Variants in VWA8 observed in about 807,000 individuals in gnomAD.
VWA8 encodes von Willebrand factor A domain containing 8, also known as von Willebrand factor A domain-containing protein 8.
A neutral mutation model predicts 241.5 loss-of-function variants in VWA8; 221 were observed. The ratio of observed to expected loss-of-function variants is 0.91; its 90% confidence interval spans 0.82 to 1.02. VWA8 has a LOEUF of 1.02. Ranked by LOEUF, VWA8 falls within the 50% of genes least tolerant of loss-of-function variation. The pLI, the probability that VWA8 is intolerant of heterozygous loss-of-function variation, is 0.00. For missense variants in VWA8, 2,322 were observed against 2,328.7 expected (o/e 1.00, Z 0.06); for synonymous variants, 852 against 827.1 (o/e 1.03, Z -0.52).
At chr13:41,873,952 C>T (rs1173486854) in intron 9 of VWA8, among the ~76,000 whole-genome samples, 3 of 152,244 alleles carry the variant, frequency 2.0e-5, no homozygotes, top group Middle Eastern at 3.4e-3. Context: ...ACTGGCAAAC[C>T]AAATCCAGCA....
At chr13:41,842,853 T>C (rs559337921) in intron 12 of VWA8, among the ~76,000 whole-genome samples, 1 of 152,164 alleles carries the variant, frequency 6.6e-6, no homozygotes, top group African/African-American at 2.4e-5. Context: ...AGCATTCTCA[T>C]GTACAAGAGA....
chr13:41,576,520 T>A (rs1230240760), intron 42 of VWA8, among the ~76,000 whole-genome samples: 4 of 152,170 alleles, frequency 2.6e-5, no homozygotes, highest in African/African-American at 9.7e-5. Context: ...TTGGTTGAAA[T>A]TGTTATGCAA....
At chr13:41,684,332 C>G (rs1353549438) in intron 35 of VWA8, among the ~76,000 whole-genome samples, 2 of 151,580 alleles carry the variant, frequency 1.3e-5, no homozygotes, top group Non-Finnish European at 2.9e-5. Context: ...TAATATATCA[C>G]TACCACTGTG....
At chr13:41,865,199 A>G in intron 12 of VWA8, 3 of 244,544 alleles carry the variant, frequency 1.2e-5, no homozygotes, top group Non-Finnish European at 2.5e-5. Flanking sequence ...GACACATAAT[A>G]TATGTACATA....
At chr13:41,791,954 CT>C (rs1869481169) in intron 17 of VWA8, among the ~76,000 whole-genome samples, 9 of 151,550 alleles carry the variant, frequency 5.9e-5, no homozygotes, top group Admixed American at 5.9e-4. Context: ...CAAAAAAAAA[CT>C]GTTGAAACTT....
At chr13:41,850,231 T>C (rs1005193235) in intron 12 of VWA8, among the ~76,000 whole-genome samples, 1 of 152,216 alleles carries the variant, frequency 6.6e-6, no homozygotes, top group Non-Finnish European at 1.5e-5. Flanking sequence ...TTTATAAATC[T>C]AATAAATACC....
chr13:41,623,769 T>C lies in VWA8; in HGVS notation c.4612-8685A>G, dbSNP rs549008374. 5.9e-5 allele frequency among the ~76,000 whole-genome samples: 9 copies of C among 152,286 alleles called. 1 individual carries two copies. The South Asian group carries it at 1.0e-3, about 18-fold the overall frequency. On this transcript the variant is annotated intron_variant, in intron 37 of 44. Coordinates refer to ENST00000379310, the MANE Select transcript of VWA8 (RefSeq NM_015058.2). ...CAGGATCTTTACTTCTAGGAGGATA[T>C]TGTGTAAAAGGGAACAAAGTCACAG...
intron 21 of VWA8, among the ~76,000 whole-genome samples, chr13:41,738,247 G>T (rs2045540838): frequency 6.6e-6 from 1 of 152,104 alleles, no homozygotes; most frequent in African/African-American, 2.4e-5. Context: ...TTATTTAGTA[G>T]TCAATCACTC....
chr13:41,825,647 C>G lies in VWA8; in HGVS notation c.1700+4882G>C, dbSNP rs142366360. ...CCTTCCCTGTCTTTCTACCTTTGACCTTTTTCTCTCTCTCAAAATCTTCCA... is the reference window on the plus strand; with the variant it reads ...CCTTCCCTGTCTTTCTACCTTTGACGTTTTTCTCTCTCTCAAAATCTTCCA... On this transcript the variant is annotated intron_variant, in intron 14 of 44. Transcript: ENST00000379310. Among the ~76,000 whole-genome samples, 1,124 of 152,220 alleles carry G rather than the reference C, an allele frequency of 7.4e-3. 23 individuals are homozygous for G. Among genetic ancestry groups the G allele is most frequent in the African/African-American group, 0.024 (1,001 of 41,514 alleles).
chr13:41,646,261 C>T (rs549886462), intron 37 of VWA8, among the ~76,000 whole-genome samples: 2 of 152,132 alleles, frequency 1.3e-5, no homozygotes, highest in East Asian at 1.9e-4. Context: ...CCACCACGCC[C>T]GGCCAAATTT....
At chr13:41,732,625 A>T (rs2087475995) in intron 21 of VWA8, among the ~76,000 whole-genome samples, 1 of 152,170 alleles carries the variant, frequency 6.6e-6, no homozygotes, top group Admixed American at 6.5e-5. Context: ...AACTGCCATC[A>T]CTAGGTGCCA....
chr13:41,676,629 T>A (rs2045062014), intron 35 of VWA8, among the ~76,000 whole-genome samples: 1 of 150,956 alleles, frequency 6.6e-6, no homozygotes, highest in Non-Finnish European at 1.5e-5. Flanking sequence ...CTGCTGTTTT[T>A]GTTTGTTTGT....
intron 17 of VWA8, among the ~76,000 whole-genome samples, chr13:41,800,124 T>A (rs570610013): frequency 6.6e-6 from 1 of 152,252 alleles, no homozygotes; most frequent in Admixed American, 6.5e-5. Flanking sequence ...ACTTCATTTC[T>A]TTTTGTTGCT....
chr13:41,954,431 C>T (rs1878272178), intron 1 of VWA8, among the ~76,000 whole-genome samples: 2 of 152,168 alleles, frequency 1.3e-5, no homozygotes, highest in African/African-American at 2.4e-5. Flanking sequence ...GTGACTAACA[C>T]TTTATCTCCT....
intron 14 of VWA8, among the ~76,000 whole-genome samples, chr13:41,823,189 A>G (rs1175011632): frequency 6.6e-6 from 1 of 152,154 alleles, no homozygotes. Context: ...GCTAGGAGAT[A>G]GTGCTTGGAT....
chr13:41,883,252 G>A (rs1874349536), intron 9 of VWA8, 135 bp downstream of exon 9: 10 of 633,958 alleles, frequency 1.6e-5, no homozygotes, highest in Admixed American at 8.5e-5. Flanking sequence ...AAGAATGGAG[G>A]GGAAGGGAAA....
intron 21 of VWA8, among the ~76,000 whole-genome samples, chr13:41,752,877 G>T (rs1291363995): frequency 6.6e-6 from 1 of 152,164 alleles, no homozygotes; most frequent in Non-Finnish European, 1.5e-5. Flanking sequence ...AAAGGTTAGT[G>T]AAGACTGGAT....
At chr13:41,892,934 C>T (rs1874915218) in intron 4 of VWA8, among the ~76,000 whole-genome samples, 1 of 152,218 alleles carries the variant, frequency 6.6e-6, no homozygotes, top group Non-Finnish European at 1.5e-5. Flanking sequence ...ACCTCTCCAA[C>T]ACCATCTCCT....
chr13:41,568,117 A>G lies in VWA8; in HGVS notation c.*80T>C, dbSNP rs1476070474. 4.1e-6 allele frequency: 5 copies of G among 1,233,140 alleles called. No homozygotes were observed. The African/African-American group carries it at 7.5e-5, about 18-fold the overall frequency. 76.4% of individuals were successfully genotyped at this position (1,233,140 alleles called of 1,614,324 possible). ...GTCACTGCATGGGTTCACTTCATCC[A>G]TATCTTCTTTTTTTCAGAATACTCT... On this transcript the variant is annotated 3_prime_UTR_variant, in exon 45 of 45. Transcript: ENST00000379310.
Sources: gnomAD v4.1 joint callset for allele counts (sites outside exome capture counted in the v4.1 genomes callset) on GRCh38, gnomAD v4.1.1 for gene constraint, MANE v1.5 for transcripts, NCBI Gene and HGNC (gene_info 2026-07-23, HGNC 2026-07-21) for gene names.